The following LARGE1 variants were observed in gnomAD, a reference collection of about 807,000 sequenced individuals.
LARGE1 encodes the protein xylosyl- and glucuronyltransferase LARGE1.
LARGE1 carries 43 observed loss-of-function variants against 87.6 expected under a neutral mutation model. The ratio of observed to expected loss-of-function variants is 0.49; its 90% CI spans 0.38 to 0.63. The LOEUF is 0.63. Ranked by LOEUF, LARGE1 falls within the 30% of genes least tolerant of loss-of-function variation. The probability of loss-of-function intolerance (pLI) is 0.00; values close to 1 mark genes in which losing one functional copy is unlikely to be tolerated. For synonymous variants in LARGE1, 434 were observed against 394.6 expected, an observed-to-expected ratio of 1.10 and a Z score of -1.18; for missense variants, 802 against 1,000.2, an observed-to-expected ratio of 0.80 and a Z score of 2.67.
At chr22:33,685,223 T>C (rs1205151012) in intron 2 of LARGE1, among the ~76,000 whole-genome samples, 1 of 152,204 alleles carries the variant, frequency 6.6e-6, no homozygotes, top group Non-Finnish European at 1.5e-5. Flanking sequence ...GATGAAGTGC[T>C]GAACAAATGC....
At chr22:33,260,737 T>C (rs551746394) in intron 11 of LARGE1, among the ~76,000 whole-genome samples, 2 of 152,306 alleles carry the variant, frequency 1.3e-5, no homozygotes, top group South Asian at 4.1e-4. Context: ...GTGGAAGATT[T>C]ATTGTAAGCT....
At chr22:33,067,920 C>T in the LARGE1 span, among the ~76,000 whole-genome samples, 1 of 151,760 alleles carries the variant, frequency 6.6e-6, no homozygotes, top group Non-Finnish European at 1.5e-5. Context: ...GCAGAGGTTG[C>T]AGTGAGCTGA....
intron 1 of LARGE1, among the ~76,000 whole-genome samples, chr22:33,915,466 A>G (rs183449845): frequency 1.2e-3 from 183 of 152,152 alleles, no homozygotes; most frequent in Non-Finnish European, 2.2e-3. Context: ...GTCAAGTAAC[A>G]TTGTCATTTT....
chr22:33,419,664 C>CT (rs1569147561), intron 7 of LARGE1, among the ~76,000 whole-genome samples: 5 of 117,222 alleles, frequency 4.3e-5, no homozygotes, highest in African/African-American at 1.5e-4. Context: ...CCAGATGAAT[C>CT]TTTGTTTTTG....
At chr22:33,421,432 G>C (rs528207428) in intron 7 of LARGE1, among the ~76,000 whole-genome samples, 1 of 152,190 alleles carries the variant, frequency 6.6e-6, no homozygotes, top group Non-Finnish European at 1.5e-5. Flanking sequence ...GTGGGACTTG[G>C]ACCAAAGACT....
At chr22:33,815,633 C>A (rs1183113207) in intron 1 of LARGE1, among the ~76,000 whole-genome samples, 1 of 152,170 alleles carries the variant, frequency 6.6e-6, no homozygotes, top group Non-Finnish European at 1.5e-5. Flanking sequence ...ATCTGTCTAT[C>A]AACCCAGCCC....
intron 12 of LARGE1, among the ~76,000 whole-genome samples, chr22:33,298,069 T>A (rs1008574514): frequency 5.3e-5 from 8 of 151,590 alleles, no homozygotes; most frequent in Non-Finnish European, 1.0e-4. Context: ...ATGTGGAAAG[T>A]CTCAGCAGAG....
At chr22:33,305,246 C>A (rs1015008967) in intron 11 of LARGE1, among the ~76,000 whole-genome samples, 3 of 151,708 alleles carry the variant, frequency 2.0e-5, no homozygotes, top group African/African-American at 7.3e-5. Context: ...ATGCTGTCTG[C>A]ATCACTCGTC....
Position 33,660,395 on chromosome 22 carries a change from T to A in LARGE1, c.107-9727A>T, listed in dbSNP as rs552284654. Among the ~76,000 whole-genome samples, 6 of 152,222 alleles carry A rather than the reference T, an allele frequency of 3.9e-5. No individual in the cohort carries two copies. The South Asian group carries it at 1.2e-3, about 32-fold the overall frequency. Reference sequence around the variant, plus strand: ...GGTTTAGAAAACCGTCATTGGAGGGTAATGATAACAGTGTATACTAGAAAA... The same window carrying A: ...GGTTTAGAAAACCGTCATTGGAGGGAAATGATAACAGTGTATACTAGAAAA... On this transcript the variant is annotated intron_variant, in intron 2 of 14. Transcript: ENST00000397394.
intron 3 of LARGE1, among the ~76,000 whole-genome samples, chr22:33,629,904 T>C (rs1316735934): frequency 6.6e-6 from 1 of 152,056 alleles, no homozygotes; most frequent in Non-Finnish European, 1.5e-5. Flanking sequence ...ACACCATCAC[T>C]GCAGGCTAAT....
chr22:33,484,736 A>C (rs2069490678), intron 6 of LARGE1, among the ~76,000 whole-genome samples: 1 of 152,088 alleles, frequency 6.6e-6, no homozygotes, highest in Non-Finnish European at 1.5e-5. Context: ...TCAGGACTAA[A>C]GCCATGCCCC....
intron 6 of LARGE1, among the ~76,000 whole-genome samples, chr22:33,481,683 T>TA (rs2069334266): frequency 6.6e-6 from 1 of 152,182 alleles, no homozygotes; most frequent in Admixed American, 6.5e-5. Context: ...TCAAGGTGGA[T>TA]ATTCCCCGGG....
intron 1 of LARGE1, among the ~76,000 whole-genome samples, chr22:33,874,273 T>C (rs374193354): frequency 6.6e-6 from 1 of 152,152 alleles, no homozygotes; most frequent in East Asian, 1.9e-4. Context: ...AAGGAAACCC[T>C]GTGCAGACAA....
intron 2 of LARGE1, among the ~76,000 whole-genome samples, chr22:33,757,132 G>T (rs1569429291): frequency 6.6e-6 from 1 of 152,168 alleles, no homozygotes; most frequent in Admixed American, 6.5e-5. Flanking sequence ...GTGTCTCAAG[G>T]AATGGGAATC....
chr22:33,205,611 G>T (rs936376060), intron 11 of LARGE1, among the ~76,000 whole-genome samples: 3 of 152,174 alleles, frequency 2.0e-5, no homozygotes, highest in Non-Finnish European at 4.4e-5. Flanking sequence ...TTATTAAGCA[G>T]GATTCCTTCA....
chr22:33,396,489 G>A (rs2065748400), intron 7 of LARGE1, among the ~76,000 whole-genome samples: 1 of 150,382 alleles, frequency 6.6e-6, no homozygotes, highest in East Asian at 2.0e-4. Flanking sequence ...GAGAGAGAGA[G>A]AGAGAGAGAT....
At chr22:33,606,038 C>T (rs1337543637) in intron 4 of LARGE1, among the ~76,000 whole-genome samples, 1 of 152,006 alleles carries the variant, frequency 6.6e-6, no homozygotes, top group Non-Finnish European at 1.5e-5. Context: ...GGAGTGGGGG[C>T]CGGGGGCGGA....
intron 1 of LARGE1, among the ~76,000 whole-genome samples, chr22:33,870,289 G>A (rs2064236144): frequency 6.6e-6 from 1 of 152,168 alleles, no homozygotes; most frequent in East Asian, 1.9e-4. Flanking sequence ...CACAAAACTG[G>A]TCTCTGGAAT....
intron 1 of LARGE1, among the ~76,000 whole-genome samples, chr22:33,901,167 T>C (rs1004580780): frequency 1.3e-5 from 2 of 151,866 alleles, no homozygotes; most frequent in Non-Finnish European, 2.9e-5. Context: ...CAGCCAGGGA[T>C]CACCAGGAAT....
Sources: gnomAD v4.1 joint callset for allele counts (sites outside exome capture counted in the v4.1 genomes callset) on GRCh38, gnomAD v4.1.1 for gene constraint, MANE v1.5 for transcripts, NCBI Gene and HGNC (gene_info 2026-07-23, HGNC 2026-07-21) for gene names.